Variants in PCDHGB7 observed in about 807,000 individuals in gnomAD.
PCDHGB7 encodes the protein protocadherin gamma subfamily B, 7, also known as protocadherin gamma-B7.
Under a neutral mutation model 61.4 loss-of-function variants are expected in PCDHGB7, and 37 were observed. The ratio of observed to expected loss-of-function variants is 0.60; its 90% CI spans 0.46 to 0.79. The LOEUF (loss-of-function observed/expected upper bound fraction) is 0.79, where lower values mean the gene tolerates loss of function less well. Ranked by LOEUF, PCDHGB7 falls within the 30% of genes least tolerant of loss-of-function variation. The pLI is 0.00. For missense variants in PCDHGB7, 1,166 were observed against 1,202.5 expected, an observed-to-expected ratio of 0.97 and a Z score of 0.45; for synonymous variants, 464 against 503.5, an observed-to-expected ratio of 0.92 and a Z score of 1.05.
In PCDHGB7 at chr5:141,419,448, TC is replaced by T; in HGVS notation, c.1590del (p.Thr531ArgfsTer16). 6.2e-7 allele frequency: 1 copy of T among 1,612,980 alleles called. No homozygotes were observed. Among genetic ancestry groups the T allele is most frequent in the Non-Finnish European group, 8.5e-7 (1 of 1,179,698 alleles). Reference sequence around the variant, plus strand: ...CACGAGCAGCTGCGCACCTTCGAGCTCACGCTGCAGGCCCGCGACCAGGGCT... The same window carrying T: ...CACGAGCAGCTGCGCACCTTCGAGCTACGCTGCAGGCCCGCGACCAGGGCT... ...FDHEQLRTFELTLQARDQGSP... is the reference protein window; with the variant it reads ...FDHEQLRTFEXTLQARDQGSP... On this transcript the variant is annotated frameshift_variant, in exon 1 of 4. Coordinates refer to ENST00000398594, the MANE Select transcript of PCDHGB7 (RefSeq NM_018927.4). LOFTEE classifies it high-confidence loss of function.
intron 1 of PCDHGB7, among the ~76,000 whole-genome samples, chr5:141,425,257 G>A (rs746250240): frequency 6.6e-6 from 1 of 152,152 alleles, no homozygotes; most frequent in Non-Finnish European, 1.5e-5. Context: ...TGAGGTATTT[G>A]GCTGGGAAAA....
chr5:141,439,458 C>T (rs2098114160), intron 1 of PCDHGB7, among the ~76,000 whole-genome samples: 1 of 152,214 alleles, frequency 6.6e-6, no homozygotes, highest in East Asian at 1.9e-4. Flanking sequence ...AGCAAGACTG[C>T]ACTGCTGCCT....
At chr5:141,473,039 A>G (rs1593411714) in intron 1 of PCDHGB7, among the ~76,000 whole-genome samples, 1 of 152,016 alleles carries the variant, frequency 6.6e-6, no homozygotes, top group East Asian at 1.9e-4. Context: ...GGAAGGAAAG[A>G]AAGAAAGAAG....
In PCDHGB7 at chr5:141,502,866, C is replaced by CTTTTTTTTTT. The variant is rs549047197; in HGVS notation, c.2475-2522_2475-2513dup. On this transcript the variant is annotated intron_variant, in intron 2 of 3. Transcript: ENST00000398594. ...GAGCTGCCTAACCCTGACTCTCTGT[C>CTTTTTTTTTT]TTTTTTTTTTTTTTGACAGGGAGTC... 1.9e-3 allele frequency among the ~76,000 whole-genome samples: 240 copies of CTTTTTTTTTT among 127,966 alleles called. 11 individuals are homozygous for CTTTTTTTTTT. The highest frequency in any genetic ancestry group is 3.5e-3 in the Admixed American group (41 of 11,656). The allele number at this position is 127,966 out of a possible 152,430, so 84.0% of individuals were successfully genotyped here.
At chr5:141,478,719 T>C in intron 1 of PCDHGB7, 1 of 1,543,882 alleles carries the variant, frequency 6.5e-7, no homozygotes, top group South Asian at 1.2e-5. Context: ...GATGGTGGCC[T>C]GCCAGAGTGT....
Position 141,490,055 on chromosome 5 carries a change from G to A in PCDHGB7, c.2416-4752G>A, listed in dbSNP as rs746297447. The A allele has an allele frequency of 1.9e-6, 3 of 1,614,068 alleles. No individual in the cohort carries two copies. The Admixed American group carries it at 5.0e-5, about 27-fold the overall frequency. On this transcript the variant is annotated intron_variant, in intron 1 of 3. Transcript: ENST00000398594. This position sits in a 1 kb window ranked among gnomAD's most constrained non-coding sequence, Gnocchi z 5.4. ...CTCAATGCCACTGATCCAGACGAGG[G>A]CACCAACGGCCAACTAGACTATTCT...
At chr5:141,443,166 C>G (rs914863821) in intron 1 of PCDHGB7, among the ~76,000 whole-genome samples, 1 of 152,124 alleles carries the variant, frequency 6.6e-6, no homozygotes, top group African/African-American at 2.4e-5. Flanking sequence ...ATTTCCCTAC[C>G]CATGTCCACT....
chr5:141,431,736 G>T lies in PCDHGB7; in HGVS notation c.2415+11462G>T. On this transcript the variant is annotated intron_variant, in intron 1 of 3. Transcript: ENST00000398594. The surrounding 1 kb of genome is among the most constrained non-coding windows in gnomAD (Gnocchi z 4.8). ...GAAGTGCAAGCAATGGATAATGCAG[G>T]ATATTCTGCGCGAGCCAAAGTCCTG... 1 of 1,614,218 alleles carries T rather than the reference G, an allele frequency of 6.2e-7. No individual in the cohort carries two copies. The highest frequency in any genetic ancestry group is 8.5e-7 in the Non-Finnish European group (1 of 1,180,046).
rs549842756 is a variant in PCDHGB7 at position 141,470,331 on chromosome 5, A to T, written c.2416-24476A>T. ...TTTCCTCAAATGATCCCATAATTTG[A>T]CCTTAGGAAGCTGTTCAAATAGACA... is the stretch of plus-strand genomic sequence containing the variant. On this transcript the variant is annotated intron_variant, in intron 1 of 3. Transcript: ENST00000398594. 3.3e-4 allele frequency among the ~76,000 whole-genome samples: 50 copies of T among 152,244 alleles called. 1 individual carries two copies. Among genetic ancestry groups the T allele is most frequent in the African/African-American group, 1.1e-3 (47 of 41,536 alleles).
intron 1 of PCDHGB7, among the ~76,000 whole-genome samples, chr5:141,426,065 G>C (rs1214623774): frequency 1.3e-5 from 2 of 152,184 alleles, no homozygotes; most frequent in East Asian, 3.8e-4. Flanking sequence ...GCAAGAACTG[G>C]AGCCTGGGAT....
chr5:141,423,011 T>C, intron 1 of PCDHGB7: 4 of 1,614,186 alleles, frequency 2.5e-6, no homozygotes, highest in Non-Finnish European at 3.4e-6. Flanking sequence ...GTGGTTGCGG[T>C]GGACAAAGAT....
chr5:141,432,191 G>C lies in PCDHGB7; in HGVS notation c.2415+11917G>C. 2.5e-6 allele frequency: 4 copies of C among 1,614,110 alleles called. No individual in the cohort carries two copies. Among genetic ancestry groups the C allele is most frequent in the Non-Finnish European group, 3.4e-6 (4 of 1,180,026 alleles). On this transcript the variant is annotated intron_variant, in intron 1 of 3. Coordinates refer to ENST00000398594, the MANE Select transcript of PCDHGB7 (RefSeq NM_018927.4). The surrounding 1 kb of genome is among the most constrained non-coding windows in gnomAD (Gnocchi z 6.0). ...TTCCCTCGTCTCTGTGACCGCCCAC[G>C]ACCCCGACTGTGAAGAGAACGCCCA... is the stretch of plus-strand genomic sequence containing the variant.
In PCDHGB7 at chr5:141,431,141, G is replaced by A. The variant is rs1262504427; in HGVS notation, c.2415+10867G>A. 24 of 1,614,212 alleles carry A rather than the reference G, an allele frequency of 1.5e-5. No individual in the cohort carries two copies. The highest frequency in any genetic ancestry group is 2.0e-5 in the Non-Finnish European group (24 of 1,180,030). On this transcript the variant is annotated intron_variant, in intron 1 of 3. Coordinates refer to ENST00000398594, the MANE Select transcript of PCDHGB7 (RefSeq NM_018927.4). The surrounding 1 kb of genome is among the most constrained non-coding windows in gnomAD (Gnocchi z 4.8). ...AGAAGTAGAAGTAAGGGACATTAAC[G>A]ACAATGCGCCTTACTTTCGTGAAAG...
At position 141,491,891 on chromosome 5, in the gene PCDHGB7, G is replaced by T. The variant is rs1487484740; in HGVS notation, c.2416-2916G>T. On this transcript the variant is annotated intron_variant, in intron 1 of 3. Coordinates refer to ENST00000398594, the MANE Select transcript of PCDHGB7 (RefSeq NM_018927.4). This position sits in a 1 kb window ranked among gnomAD's most constrained non-coding sequence, Gnocchi z 6.9. ...GTGGCCGATTAAGGGATGGGGCTCC[G>T]AGCACCGGGGGTGGTGGCGACTGTG... 19 of 1,439,438 alleles carry T rather than the reference G, an allele frequency of 1.3e-5. No homozygotes were observed. The East Asian group carries it at 4.8e-4, about 36-fold the overall frequency. 89.2% of individuals were successfully genotyped at this position (1,439,438 alleles called of 1,614,324 possible). A position where few individuals can be genotyped will look rare whatever the true frequency, so the allele number is the denominator to read the frequency against.
intron 1 of PCDHGB7, among the ~76,000 whole-genome samples, chr5:141,436,531 G>A (rs1365651055): frequency 2.6e-5 from 4 of 152,152 alleles, no homozygotes; most frequent in South Asian, 2.1e-4. Flanking sequence ...CCTTTAGCAA[G>A]TTATTTAATC....
Position 141,489,276 on chromosome 5 carries a change from AT to A in PCDHGB7, c.2416-5530del, listed in dbSNP as rs2099684949. 1.9e-6 allele frequency: 3 copies of A among 1,556,004 alleles called. No homozygotes were observed. Among genetic ancestry groups the A allele is most frequent in the Non-Finnish European group, 2.6e-6 (3 of 1,151,570 alleles). ...AGACACTCCCACAGCTCGCTGGGAA[AT>A]GGCAAGTGCTGTGCATGTTGTCCTT... On this transcript the variant is annotated intron_variant, in intron 1 of 3. Coordinates refer to ENST00000398594, the MANE Select transcript of PCDHGB7 (RefSeq NM_018927.4). This position sits in a 1 kb window ranked among gnomAD's most constrained non-coding sequence, Gnocchi z 4.5.
chr5:141,421,572 G>T, intron 1 of PCDHGB7: 1 of 1,613,954 alleles, frequency 6.2e-7, no homozygotes, highest in Admixed American at 1.7e-5. Flanking sequence ...AAGACACCTT[G>T]AAGATTTACG....
intron 1 of PCDHGB7, chr5:141,428,826 A>G (rs190740602): frequency 1.3e-5 from 2 of 149,304 alleles, no homozygotes; most frequent in South Asian, 2.1e-4. Context: ...GCTTTCATGT[A>G]TTTTTGAAAC....
intron 1 of PCDHGB7, chr5:141,429,110 T>A (rs2097186231): frequency 6.6e-6 from 1 of 151,978 alleles, no homozygotes; most frequent in Non-Finnish European, 1.5e-5. Context: ...CGCCTCGGCC[T>A]CCCAAAGTGC....
Sources: gnomAD v4.1 joint callset for allele counts (sites outside exome capture counted in the v4.1 genomes callset) on GRCh38, gnomAD v4.1.1 for gene constraint, Gnocchi (gnomAD v3.1) non-coding constraint, MANE v1.5 for transcripts, NCBI Gene and HGNC (gene_info 2026-07-23, HGNC 2026-07-21) for gene names.